Variants in RPS6KA2 observed in about 807,000 individuals in gnomAD.
RPS6KA2 encodes ribosomal protein S6 kinase alpha-2.
In RPS6KA2, 42 loss-of-function variants were observed where a neutral mutation model predicts 91.8. That is an observed-to-expected ratio of 0.46 (90% CI 0.36 to 0.59). RPS6KA2 has a LOEUF of 0.59. RPS6KA2 is among the 20% of genes least tolerant of loss of function. The pLI is 0.00. For missense variants in RPS6KA2, 798 were observed against 978.5 expected (o/e 0.82, Z 2.46); for synonymous variants, 414 against 393.6 (o/e 1.05, Z -0.61).
chr6:166,413,250 G>T (rs1336804174), intron 20 of RPS6KA2, among the ~76,000 whole-genome samples: 1 of 152,184 alleles, frequency 6.6e-6, no homozygotes, highest in Non-Finnish European at 1.5e-5. Flanking sequence ...GGTCCTAGGG[G>T]ACACAGCGAA....
intron 1 of RPS6KA2, among the ~76,000 whole-genome samples, chr6:166,620,762 C>G (rs928141594): frequency 2.6e-5 from 4 of 152,236 alleles, no homozygotes; most frequent in Non-Finnish European, 5.9e-5. Flanking sequence ...ACTGATGAAG[C>G]ATTTAATAAA....
At position 166,448,366 on chromosome 6, in the gene RPS6KA2, C is replaced by T. The variant is rs1779745632; in HGVS notation, c.1332+358G>A. Reference sequence around the variant, plus strand: ...GTCATACACCAAGCTACGAAAGGTGCTCAGTCCCTGCGTGGTACATATGAC... The same window carrying T: ...GTCATACACCAAGCTACGAAAGGTGTTCAGTCCCTGCGTGGTACATATGAC... On this transcript the variant is annotated intron_variant, in intron 14 of 20. Coordinates refer to ENST00000265678, the MANE Select transcript of RPS6KA2 (RefSeq NM_021135.6). This position sits in a 1 kb window ranked among gnomAD's most constrained non-coding sequence, Gnocchi z 4.7. Among the ~76,000 whole-genome samples the T allele has an allele frequency of 1.3e-5, 2 of 152,188 alleles. No homozygotes were observed. Among genetic ancestry groups the T allele is most frequent in the South Asian group, 4.1e-4 (2 of 4,828 alleles).
At chr6:166,571,759 G>A (rs1043416700) in intron 1 of RPS6KA2, among the ~76,000 whole-genome samples, 3 of 151,906 alleles carry the variant, frequency 2.0e-5, no homozygotes, top group African/African-American at 7.3e-5. Context: ...GCGTGGTGAC[G>A]ACTTGCTGAC....
intron 2 of RPS6KA2, among the ~76,000 whole-genome samples, chr6:166,668,402 T>C (rs1449885017): frequency 6.6e-6 from 1 of 152,044 alleles, no homozygotes; most frequent in Non-Finnish European, 1.5e-5. Context: ...GCGTCAGACG[T>C]GAGGCTGTGC....
rs577509545 is a variant in RPS6KA2, at chr6:166,831,850, TATAG to T, written c.123+26346_123+26349del. Among the ~76,000 whole-genome samples the T allele has an allele frequency of 2.5e-4, 38 of 151,274 alleles. No homozygotes were observed. The East Asian group carries it at 6.4e-3, about 25-fold the overall frequency. ...TAGACACATACATAGGTAATAGATA[TATAG>T]ATACATATATACATAGATGATAGAC... On this transcript the variant is annotated intron_variant, in intron 2 of 21. Transcript: ENST00000503859.
At chr6:166,454,619 CCTCA>C (rs1415189193) in intron 12 of RPS6KA2, among the ~76,000 whole-genome samples, 1 of 152,132 alleles carries the variant, frequency 6.6e-6, no homozygotes, top group Non-Finnish European at 1.5e-5. Context: ...ACTAAATACT[CCTCA>C]CTAAGACAAT....
At chr6:166,476,564 C>CG (rs1182930986) in intron 10 of RPS6KA2, among the ~76,000 whole-genome samples, 1 of 152,166 alleles carries the variant, frequency 6.6e-6, no homozygotes, top group Non-Finnish European at 1.5e-5. Context: ...CTGGACTGAA[C>CG]GGAACTGTCT....
chr6:166,841,570 C>T (rs1378462993), intron 2 of RPS6KA2, among the ~76,000 whole-genome samples: 1 of 152,228 alleles, frequency 6.6e-6, no homozygotes, highest in Non-Finnish European at 1.5e-5. Flanking sequence ...AAAAACTCAG[C>T]AGGTCTGAGA....
Position 166,478,188 on chromosome 6 carries a change from T to G in RPS6KA2, c.908-8283A>C, listed in dbSNP as rs376861610. Among the ~76,000 whole-genome samples, 649 of 151,966 alleles carry G rather than the reference T, an allele frequency of 4.3e-3. 10 individuals carry two copies. The South Asian group carries it at 0.047, about 11-fold the overall frequency. Reference sequence around the variant, plus strand: ...GTCACCTCAGAGGGAGTGGCAGAGGTGGGGTCGCGGTGCCTGCCACCTGAG... The same window carrying G: ...GTCACCTCAGAGGGAGTGGCAGAGGGGGGGTCGCGGTGCCTGCCACCTGAG... On this transcript the variant is annotated intron_variant, in intron 10 of 20. Coordinates refer to ENST00000265678, the MANE Select transcript of RPS6KA2 (RefSeq NM_021135.6).
intron 2 of RPS6KA2, among the ~76,000 whole-genome samples, chr6:166,687,191 G>A (rs561984429): frequency 6.6e-5 from 10 of 152,334 alleles, no homozygotes; most frequent in Admixed American, 2.0e-4. Flanking sequence ...AGCAGCCACC[G>A]CGGGCAGAGT....
chr6:166,568,454 A>T (rs1414405575), intron 1 of RPS6KA2, among the ~76,000 whole-genome samples: 2 of 148,162 alleles, frequency 1.3e-5, no homozygotes, highest in Non-Finnish European at 3.0e-5. Flanking sequence ...TCTCTACTAA[A>T]GATACAAAAA....
chr6:166,754,853 C>G (rs866682450), intron 2 of RPS6KA2, among the ~76,000 whole-genome samples: 1 of 152,188 alleles, frequency 6.6e-6, no homozygotes, highest in Non-Finnish European at 1.5e-5. Flanking sequence ...GGGAAGGGCT[C>G]TGAGATGGGT....
chr6:166,611,514 G>C (rs1452617780), intron 1 of RPS6KA2, among the ~76,000 whole-genome samples: 1 of 152,216 alleles, frequency 6.6e-6, no homozygotes, highest in Non-Finnish European at 1.5e-5. Flanking sequence ...CCTCAGGCAA[G>C]CTTCTTGTAC....
rs1257206789 is a variant in RPS6KA2 at position 166,437,234 on chromosome 6, C to T, written c.1333-4744G>A. Among the ~76,000 whole-genome samples the T allele has an allele frequency of 6.6e-6, 1 of 152,048 alleles. No individual in the cohort carries two copies. Among genetic ancestry groups the T allele is most frequent in the Non-Finnish European group, 1.5e-5 (1 of 68,012 alleles). ...AGTGGGCCCCAAGTGCCTGCCAGCGCACTTCTTCTCTATGGGGTCGGTTTC... is the reference window on the plus strand; with the variant it reads ...AGTGGGCCCCAAGTGCCTGCCAGCGTACTTCTTCTCTATGGGGTCGGTTTC... On this transcript the variant is annotated intron_variant, in intron 14 of 20. Coordinates refer to ENST00000265678, the MANE Select transcript of RPS6KA2 (RefSeq NM_021135.6). This position sits in a 1 kb window ranked among gnomAD's most constrained non-coding sequence, Gnocchi z 4.3.
At chr6:166,663,688 GCC>G (rs951580837) in intron 2 of RPS6KA2, among the ~76,000 whole-genome samples, 1 of 152,164 alleles carries the variant, frequency 6.6e-6, no homozygotes, top group Non-Finnish European at 1.5e-5. Context: ...GCCGCCAGAG[GCC>G]CCACCCTATC....
intron 2 of RPS6KA2, among the ~76,000 whole-genome samples, chr6:166,820,355 T>C (rs1045769510): frequency 6.6e-6 from 1 of 152,206 alleles, no homozygotes; most frequent in African/African-American, 2.4e-5. Context: ...TTCCTCTATC[T>C]CAATCTCAGA....
chr6:166,776,413 G>C (rs1169670810), intron 2 of RPS6KA2, among the ~76,000 whole-genome samples: 2 of 152,168 alleles, frequency 1.3e-5, no homozygotes, highest in African/African-American at 4.8e-5. Flanking sequence ...TCTTGTTTTT[G>C]TGTTTTAATT....
At chr6:166,717,625 T>A (rs9295364) in intron 2 of RPS6KA2, among the ~76,000 whole-genome samples, 1 of 152,102 alleles carries the variant, frequency 6.6e-6, no homozygotes, top group Non-Finnish European at 1.5e-5. Context: ...GGGAGTGGGG[T>A]GCACAGCACA....
chr6:166,718,552 A>G (rs1790085764), intron 2 of RPS6KA2, among the ~76,000 whole-genome samples: 1 of 152,266 alleles, frequency 6.6e-6, no homozygotes, highest in South Asian at 2.1e-4. Context: ...AATAAAATGC[A>G]ACCGTATCTG....
Sources: allele counts gnomAD v4.1 joint callset (sites outside exome capture counted in the v4.1 genomes callset), GRCh38; gene constraint gnomAD v4.1.1; non-coding constraint Gnocchi (gnomAD v3.1); transcripts MANE v1.5; gene names NCBI Gene and HGNC (gene_info 2026-07-23, HGNC 2026-07-21).